The following EYS variants were observed in gnomAD, a reference collection of about 807,000 sequenced individuals.
EYS encodes the protein EGF-like photoreceptor maintenance factor, also known as protein eyes shut homolog.
EYS carries 250 observed loss-of-function variants against 282.1 expected under a neutral mutation model. That is an observed-to-expected ratio of 0.89 (90% CI 0.80 to 0.98). The LOEUF (loss-of-function observed/expected upper bound fraction) is 0.98, where lower values mean the gene tolerates loss of function less well. EYS is among the 50% of genes least tolerant of loss of function. EYS has a pLI of 0.00. For synonymous variants in EYS, 1,355 were observed against 1,282.9 expected (o/e 1.06, Z -1.20); for missense variants, 4,016 against 3,709.0 (o/e 1.08, Z -2.15).
chr6:63,870,306 C>T (rs1772770723), intron 35 of EYS, among the ~76,000 whole-genome samples: 1 of 152,190 alleles, frequency 6.6e-6, no homozygotes, highest in African/African-American at 2.4e-5. Flanking sequence ...TTCTACTCAA[C>T]TGTTACCATG....
At chr6:63,867,146 C>A (rs776061552) in intron 35 of EYS, among the ~76,000 whole-genome samples, 1 of 152,088 alleles carries the variant, frequency 6.6e-6, no homozygotes, top group Non-Finnish European at 1.5e-5. Context: ...ACTGATGGAT[C>A]TTATGTAAGA....
intron 5 of EYS, among the ~76,000 whole-genome samples, chr6:65,442,652 T>C (rs1768381104): frequency 6.6e-6 from 1 of 151,510 alleles, no homozygotes; most frequent in Non-Finnish European, 1.5e-5. Flanking sequence ...TATCTGGGTG[T>C]CTGAGGCAGG....
At chr6:65,699,927 A>C (rs1156908149) in intron 1 of EYS, among the ~76,000 whole-genome samples, 2 of 151,626 alleles carry the variant, frequency 1.3e-5, no homozygotes, top group Non-Finnish European at 2.9e-5. Context: ...ATCCTGGCTA[A>C]CATGGTGAAA....
intron 2 of EYS, among the ~76,000 whole-genome samples, chr6:65,513,415 A>T (rs1320301036): frequency 6.6e-6 from 1 of 152,098 alleles, no homozygotes; most frequent in Non-Finnish European, 1.5e-5. Flanking sequence ...ATAGAAAAAG[A>T]GGGAATCCTC....
At chr6:64,690,419 G>A (rs1770336270) in intron 22 of EYS, among the ~76,000 whole-genome samples, 1 of 152,142 alleles carries the variant, frequency 6.6e-6, no homozygotes, top group African/African-American at 2.4e-5. Flanking sequence ...AGACAGTGTG[G>A]CGATTCCTCA....
rs34222008 is a variant in EYS, at chr6:64,508,551, T to TTTATTATTATTATTATTATTA, written c.5645-69220_5645-69200dup. On this transcript the variant is annotated intron_variant, in intron 26 of 42. Coordinates refer to ENST00000503581, the MANE Select transcript of EYS (RefSeq NM_001142800.2). The stretch of plus-strand genomic sequence containing the variant: ...GGCATGAGTTCTGCTTTTCTAAGTA[T>TTTATTATTATTATTATTATTA]TTATTATTATTATTATTATTATTAT... 1.4e-5 allele frequency among the ~76,000 whole-genome samples: 2 copies of TTTATTATTATTATTATTATTA among 142,506 alleles called. 1 individual carries two copies. The highest frequency in any genetic ancestry group is 3.0e-5 in the Non-Finnish European group (2 of 65,742). 93.5% of individuals were successfully genotyped at this position (142,506 alleles called of 152,430 possible). A position where few individuals can be genotyped will look rare whatever the true frequency, so the allele number is the denominator to read the frequency against.
chr6:64,356,022 A>G (rs1269574700), intron 29 of EYS, among the ~76,000 whole-genome samples: 3 of 151,620 alleles, frequency 2.0e-5, no homozygotes, highest in African/African-American at 7.2e-5. Context: ...CTTTCTGCAA[A>G]AGCAGTAACA....
At chr6:63,972,128 T>C (rs920044525) in intron 35 of EYS, among the ~76,000 whole-genome samples, 3 of 152,220 alleles carry the variant, frequency 2.0e-5, no homozygotes, top group Admixed American at 2.0e-4. Context: ...AAATACTTTA[T>C]TTTTCTCAAT....
At chr6:64,176,628 A>G (rs544419001) in intron 31 of EYS, among the ~76,000 whole-genome samples, 1 of 152,008 alleles carries the variant, frequency 6.6e-6, no homozygotes, top group South Asian at 2.1e-4. Context: ...TTTTCATTCA[A>G]ATTTTTGAAA....
intron 8 of EYS, among the ~76,000 whole-genome samples, chr6:65,361,507 G>A (rs1274906722): frequency 7.9e-6 from 1 of 126,872 alleles, no homozygotes; most frequent in Non-Finnish European, 1.6e-5. Flanking sequence ...TTTGGTCTGT[G>A]TCTCTCTCTA....
chr6:65,305,721 T>A (rs1264775759), intron 11 of EYS, among the ~76,000 whole-genome samples: 1 of 152,280 alleles, frequency 6.6e-6, no homozygotes, highest in African/African-American at 2.4e-5. Flanking sequence ...TTTTTTAGTA[T>A]GAAAATTGTC....
intron 19 of EYS, among the ~76,000 whole-genome samples, chr6:64,841,453 C>T (rs756391339): frequency 9.2e-5 from 14 of 151,898 alleles, no homozygotes; most frequent in African/African-American, 1.2e-4. Context: ...ATATTTCTAC[C>T]ATCTTCTTGT....
chr6:64,708,331 C>T (rs111670624), intron 22 of EYS, among the ~76,000 whole-genome samples: 1 of 152,310 alleles, frequency 6.6e-6, no homozygotes, highest in Non-Finnish European at 1.5e-5. Context: ...TGATATTCAG[C>T]TTATTTTAAT....
intron 33 of EYS, among the ~76,000 whole-genome samples, chr6:64,020,360 C>CT (rs1454789605): frequency 2.0e-5 from 3 of 151,986 alleles, no homozygotes; most frequent in Admixed American, 2.0e-4. Flanking sequence ...ATCATAAAAC[C>CT]TTTTCCTTTA....
At chr6:65,633,615 C>T (rs1766992661) in intron 2 of EYS, among the ~76,000 whole-genome samples, 1 of 152,176 alleles carries the variant, frequency 6.6e-6, no homozygotes, top group South Asian at 2.1e-4. Context: ...GCTTCTCCCT[C>T]TACAGTTTAC....
chr6:65,286,738 T>C (rs1768378384), intron 12 of EYS, among the ~76,000 whole-genome samples: 3 of 151,688 alleles, frequency 2.0e-5, no homozygotes, highest in African/African-American at 7.2e-5. Flanking sequence ...AGTTATGCTG[T>C]GTAAATTCAC....
intron 29 of EYS, among the ~76,000 whole-genome samples, chr6:64,369,893 T>C (rs1772305479): frequency 6.6e-6 from 1 of 152,074 alleles, no homozygotes; most frequent in African/African-American, 2.4e-5. Context: ...TCCTAAAACT[T>C]TGCCAAAGTT....
intron 13 of EYS, among the ~76,000 whole-genome samples, chr6:65,000,824 G>A (rs1361008455): frequency 1.3e-5 from 2 of 152,186 alleles, no homozygotes; most frequent in Non-Finnish European, 2.9e-5. Context: ...ACCGTATAAT[G>A]GTGTTCAAGA....
At chr6:65,511,827 CTCCTATAATCTCAGCTACTTGAGAGG>C (rs1766879298) in intron 2 of EYS, among the ~76,000 whole-genome samples, 3 of 151,710 alleles carry the variant, frequency 2.0e-5, no homozygotes, top group Non-Finnish European at 2.9e-5. Flanking sequence ...ATGGCACACA[CTCCTATAATCTCAGCTACTTGAGAGG>C]TCCTATAATC....
Sources: allele counts gnomAD v4.1 joint callset (sites outside exome capture counted in the v4.1 genomes callset), GRCh38; gene constraint gnomAD v4.1.1; transcripts MANE v1.5; gene names NCBI Gene and HGNC (gene_info 2026-07-23, HGNC 2026-07-21).